AUTS2: variants seen among roughly 807,000 people sequenced by gnomAD.
AUTS2 encodes the protein activator of transcription and developmental regulator AUTS2.
A neutral mutation model predicts 112.4 loss-of-function variants in AUTS2; 17 were observed. That is an observed-to-expected ratio of 0.15 (90% confidence interval 0.10 to 0.23). AUTS2 has a LOEUF of 0.23. Ranked by LOEUF, AUTS2 falls within the 10% of genes least tolerant of loss-of-function variation. The pLI is 1.00. For synonymous variants in AUTS2, 751 were observed against 702.7 expected (o/e 1.07, Z -1.09); for missense variants, 1,510 against 1,701.6 (o/e 0.89, Z 1.98).
chr7:70,085,342 T>C (rs1584697177), intron 2 of AUTS2, among the ~76,000 whole-genome samples: 2 of 152,072 alleles, frequency 1.3e-5, no homozygotes, highest in East Asian at 3.9e-4. Flanking sequence ...AAATGAGACA[T>C]ATAGTGAATT....
intron 5 of AUTS2, among the ~76,000 whole-genome samples, chr7:70,657,320 G>A (rs1039818233): frequency 3.3e-5 from 5 of 152,104 alleles, no homozygotes; most frequent in Non-Finnish European, 5.9e-5. Flanking sequence ...TATTTTTTCC[G>A]AAGAGGCAGG....
intron 1 of AUTS2, among the ~76,000 whole-genome samples, chr7:69,722,658 A>G (rs1049414577): frequency 3.9e-5 from 6 of 152,128 alleles, no homozygotes; most frequent in African/African-American, 1.4e-4. Flanking sequence ...TTAAGCAGCT[A>G]TGTGGCCTTG....
intron 5 of AUTS2, among the ~76,000 whole-genome samples, chr7:70,534,215 C>T (rs1270020562): frequency 2.6e-5 from 4 of 152,206 alleles, no homozygotes; most frequent in African/African-American, 7.2e-5. Context: ...GAGATGGCCT[C>T]ATGGTGCCCT....
At chr7:70,683,823 T>C (rs1808326729) in intron 5 of AUTS2, among the ~76,000 whole-genome samples, 2 of 152,176 alleles carry the variant, frequency 1.3e-5, no homozygotes, top group South Asian at 2.1e-4. Flanking sequence ...GCTAATTTGA[T>C]TGATAAAGCC....
chr7:70,043,952 T>G (rs1801386316), intron 2 of AUTS2, among the ~76,000 whole-genome samples: 1 of 152,108 alleles, frequency 6.6e-6, no homozygotes, highest in Non-Finnish European at 1.5e-5. Context: ...TTGGTGGTGA[T>G]ATGAGTTGAA....
intron 4 of AUTS2, among the ~76,000 whole-genome samples, chr7:70,336,926 G>A (rs1449606644): frequency 1.3e-5 from 2 of 151,928 alleles, no homozygotes; most frequent in Admixed American, 6.5e-5. Context: ...CTTCTGTCTC[G>A]GTCTTACTTT....
At position 70,361,111 on chromosome 7, in the gene AUTS2, C is replaced by T. The variant is rs571182235; in HGVS notation, c.661-74641C>T. Among the ~76,000 whole-genome samples the T allele has an allele frequency of 1.6e-4, 25 of 152,160 alleles. No homozygotes were observed. In the South Asian group the frequency reaches 2.7e-3, roughly 16 times the overall value. On this transcript the variant is annotated intron_variant, in intron 4 of 18. Transcript: ENST00000342771. The stretch of plus-strand genomic sequence containing the variant: ...GTGTAATCCCAGCACTTTGGGAGGC[C>T]GAGGTGGGCGGATCATGAGGTCAGG...
At chr7:70,031,530 C>T (rs1800778782) in intron 2 of AUTS2, among the ~76,000 whole-genome samples, 1 of 152,076 alleles carries the variant, frequency 6.6e-6, no homozygotes, top group Non-Finnish European at 1.5e-5. Context: ...ACATTTTCTG[C>T]TTTATAAAAA....
chr7:70,188,550 C>T (rs541861270), intron 4 of AUTS2, among the ~76,000 whole-genome samples: 46 of 151,970 alleles, frequency 3.0e-4, no homozygotes, highest in Admixed American at 5.9e-4. Flanking sequence ...AAATCAGCAG[C>T]CCGTTAGGTA....
At chr7:69,944,868 C>T (rs541932075) in intron 2 of AUTS2, among the ~76,000 whole-genome samples, 1 of 152,254 alleles carries the variant, frequency 6.6e-6, no homozygotes, top group East Asian at 1.9e-4. Flanking sequence ...AAGCAGCCTA[C>T]TTTGATGAAA....
chr7:69,961,357 T>G (rs939141558), intron 2 of AUTS2, among the ~76,000 whole-genome samples: 1 of 152,154 alleles, frequency 6.6e-6, no homozygotes. Flanking sequence ...CTCTTGAATT[T>G]GAGTGTTTTG....
intron 4 of AUTS2, among the ~76,000 whole-genome samples, chr7:70,172,637 C>T (rs535746748): frequency 1.7e-4 from 26 of 152,254 alleles, no homozygotes; most frequent in Non-Finnish European, 3.7e-4. Flanking sequence ...ATATCTAATG[C>T]CTTCTTTCCC....
rs1472885442 is a variant in AUTS2 at position 70,135,312 on chromosome 7, CAAAT to C, written c.660+744_660+747del. On this transcript the variant is annotated intron_variant, in intron 4 of 18. Coordinates refer to ENST00000342771, the MANE Select transcript of AUTS2 (RefSeq NM_015570.4). ...TCAAGATACAAATGAAAAAGAGTGA[CAAAT>C]AAGCATTATTTGTACAATAGGATAA... is the stretch of plus-strand genomic sequence containing the variant. 5.3e-5 allele frequency among the ~76,000 whole-genome samples: 8 copies of C among 151,864 alleles called. No individual in the cohort carries two copies. In the South Asian group the frequency reaches 1.5e-3, roughly 28 times the overall value.
intron 5 of AUTS2, among the ~76,000 whole-genome samples, chr7:70,613,254 TG>T (rs1563076374): frequency 6.6e-6 from 1 of 151,892 alleles, no homozygotes; most frequent in Non-Finnish European, 1.5e-5. Flanking sequence ...TGTGTGTGTG[TG>T]TGTGTGTGTG....
At chr7:70,329,350 C>T (rs2129619279) in intron 4 of AUTS2, among the ~76,000 whole-genome samples, 1 of 152,140 alleles carries the variant, frequency 6.6e-6, no homozygotes, top group South Asian at 2.1e-4. Context: ...TTGAAGATTG[C>T]CGAACTATTT....
chr7:70,788,300 A>ATG (rs148160530), intron 18 of AUTS2, among the ~76,000 whole-genome samples: 2,583 of 152,158 alleles, frequency 0.017, 66 homozygotes, highest in African/African-American at 0.06. Context: ...CCGTGTATGT[A>ATG]TGTGTGTGTG....
intron 1 of AUTS2, among the ~76,000 whole-genome samples, chr7:69,795,832 C>T (rs963386667): frequency 1.3e-5 from 2 of 152,194 alleles, no homozygotes; most frequent in African/African-American, 2.4e-5. Flanking sequence ...GAAGAGCTAG[C>T]GCCAGAACAA....
chr7:69,910,295 C>G (rs1795301348), intron 2 of AUTS2, among the ~76,000 whole-genome samples: 1 of 152,214 alleles, frequency 6.6e-6, no homozygotes, highest in Admixed American at 6.5e-5. Flanking sequence ...CTCATGCTCA[C>G]TGGGCACTGG....
At chr7:70,456,155 G>C (rs1368021222) in intron 5 of AUTS2, among the ~76,000 whole-genome samples, 1 of 152,150 alleles carries the variant, frequency 6.6e-6, no homozygotes, top group Non-Finnish European at 1.5e-5. Flanking sequence ...GAAGTTCAAG[G>C]GCAGACTGGC....
Sources: allele counts gnomAD v4.1 joint callset (sites outside exome capture counted in the v4.1 genomes callset), GRCh38; gene constraint gnomAD v4.1.1; transcripts MANE v1.5; gene names NCBI Gene and HGNC (gene_info 2026-07-23, HGNC 2026-07-21).